Variants in MATR3 observed in about 807,000 individuals in gnomAD.
MATR3 encodes the protein matrin 3.
MATR3 carries 4 observed loss-of-function variants against 85.5 expected under a neutral mutation model. The observed-to-expected ratio is 0.05, with a 90% CI of 0.02 to 0.11. MATR3 has a LOEUF of 0.11. Ranked by LOEUF, MATR3 falls within the 10% of genes least tolerant of loss-of-function variation. The pLI, the probability that MATR3 is intolerant of heterozygous loss-of-function variation, is 1.00. For synonymous variants in MATR3, 336 were observed against 343.1 expected, an observed-to-expected ratio of 0.98 and a Z score of 0.23; for missense variants, 685 against 1,016.1, an observed-to-expected ratio of 0.67 and a Z score of 4.43.
At chr5:139,302,412 TTAAA>T (rs1754495389) in intron 1 of MATR3, among the ~76,000 whole-genome samples, 1 of 152,166 alleles carries the variant, frequency 6.6e-6, no homozygotes, top group African/African-American at 2.4e-5. Context: ...AAAAAAACCC[TTAAA>T]TGAAATAATT....
At chr5:139,318,194 C>T (rs778687042) in intron 7 of MATR3, among the ~76,000 whole-genome samples, 6 of 150,684 alleles carry the variant, frequency 4.0e-5, no homozygotes, top group Non-Finnish European at 8.9e-5. Flanking sequence ...AGTGCAGTGG[C>T]GCGATCTCAG....
intron 7 of MATR3, 66 bp from the exon 8 acceptor site, chr5:139,318,842 A>G: frequency 1.3e-6 from 2 of 1,505,764 alleles, no homozygotes; most frequent in Non-Finnish European, 9.2e-7. Context: ...AGGAAAAAAA[A>G]TCTTTAGTTC....
chr5:139,312,265 G>T (rs1426371242), intron 2 of MATR3: 2 of 151,858 alleles, frequency 1.3e-5, no homozygotes, highest in Non-Finnish European at 2.9e-5. Flanking sequence ...ACCACATCTG[G>T]CGTTTTTTTC....
chr5:139,290,438 C>CTTTTTTTTTTTTTTT (rs762364450), upstream of MATR3, among the ~76,000 whole-genome samples: 121 of 44,976 alleles, frequency 2.7e-3, 35 homozygotes, highest in Middle Eastern at 0.062. Flanking sequence ...CCTGGCCGCT[C>CTTTTTTTTTTTTTTT]TTTTTTTTTT....
intron 14 of MATR3, among the ~76,000 whole-genome samples, chr5:139,326,993 G>C (rs914988279): frequency 6.6e-6 from 1 of 151,982 alleles, no homozygotes; most frequent in Non-Finnish European, 1.5e-5. Context: ...TTATTTTTAT[G>C]ACCAAAAGTA....
intron 6 of MATR3, 103 bp downstream of exon 6, chr5:139,317,208 C>A (rs757922406): frequency 1.1e-4 from 125 of 1,115,360 alleles, no homozygotes; most frequent in Non-Finnish European, 1.4e-4. Flanking sequence ...CTTATGGGAA[C>A]ATTGCTGTAA....
chr5:139,329,373 G>A lies in MATR3; in HGVS notation c.2522G>A (p.Arg841His), dbSNP rs1287853622. 3.7e-6 allele frequency: 6 copies of A among 1,611,736 alleles called. No individual in the cohort carries two copies. In the East Asian group the frequency reaches 6.7e-5, roughly 18 times the overall value. The part of the protein sequence containing the change: ...KKFLNKLAEE[R>H]RQKKET Reference sequence around the variant, plus strand: ...TTTCTGAATAAATTGGCAGAAGAACGCAGACAGAAGAAGGAAACTTAAGAT... The same window carrying A: ...TTTCTGAATAAATTGGCAGAAGAACACAGACAGAAGAAGGAAACTTAAGAT... The change falls in exon 15 of 15, where the codon CGC (arginine) becomes CAC (histidine). Residue 841 changes from arginine to histidine, a missense_variant. Physicochemically the swap from Arg to His is conservative, Grantham distance 29. This residue lies in a region of MATR3 where 45 missense variants were observed against 82.5 expected (regional missense o/e 0.55). Transcript: ENST00000394805.
Position 139,319,326 on chromosome 5 carries a change from T to C in MATR3, c.1435-8T>C, listed in dbSNP as rs1055412692. On this transcript the variant is annotated splice_region_variant and splice_polypyrimidine_tract_variant and intron_variant, in intron 8 of 14. Coordinates refer to ENST00000394805, the MANE Select transcript of MATR3 (RefSeq NM_018834.6). Reference sequence around the variant, plus strand: ...CATTTGTCCTTTTGTTGTTGTTATTTATTAAAGAAACCTGAAGGAAAGCCA... The same window carrying C: ...CATTTGTCCTTTTGTTGTTGTTATTCATTAAAGAAACCTGAAGGAAAGCCA... 3.2e-6 allele frequency: 5 copies of C among 1,578,276 alleles called. No homozygotes were observed. The highest frequency in any genetic ancestry group is 3.4e-5 in the Admixed American group (2 of 59,322).
At chr5:139,285,285 G>A (rs758082657) in intron 3 of MATR3, 2 of 152,180 alleles carry the variant, frequency 1.3e-5, no homozygotes, top group Non-Finnish European at 2.9e-5. Flanking sequence ...TACTCTTGCT[G>A]TAGTGTGCAG....
At chr5:139,324,331 T>TTGCCCAGG (rs1755735002) in intron 12 of MATR3, among the ~76,000 whole-genome samples, 3 of 147,812 alleles carry the variant, frequency 2.0e-5, no homozygotes, top group Admixed American at 7.0e-5. Context: ...TCTTGCTCTG[T>TTGCCCAGG]TGCCCAGGCT....
intron 2 of MATR3, among the ~76,000 whole-genome samples, chr5:139,276,561 C>T (rs1315713978): frequency 6.6e-6 from 1 of 152,166 alleles, no homozygotes; most frequent in Non-Finnish European, 1.5e-5. Flanking sequence ...TGACTTTTTG[C>T]AGAGAATAAG....
upstream of MATR3, among the ~76,000 whole-genome samples, chr5:139,292,429 C>T (rs924153307): frequency 3.9e-5 from 6 of 152,192 alleles, no homozygotes; most frequent in Non-Finnish European, 7.4e-5. Context: ...ATTCCCAACT[C>T]TCCAGATGCG....
At chr5:139,294,852 C>T (rs1231495627) in intron 1 of MATR3, 1 of 152,216 alleles carries the variant, frequency 6.6e-6, no homozygotes, top group African/African-American at 2.4e-5. Flanking sequence ...GGTGTTTATC[C>T]TGCTCTGTGG....
intron 9 of MATR3, among the ~76,000 whole-genome samples, chr5:139,320,704 T>C (rs907386793): frequency 3.9e-5 from 6 of 151,978 alleles, no homozygotes; most frequent in African/African-American, 1.4e-4. Context: ...TTCCAGACTT[T>C]TATTTTTCTT....
At chr5:139,291,314 A>C (rs966356731), upstream of MATR3, among the ~76,000 whole-genome samples, 1 of 152,160 alleles carries the variant, frequency 6.6e-6, no homozygotes, top group African/African-American at 2.4e-5. Flanking sequence ...CGTCTCAAAT[A>C]CATATTTATT....
chr5:139,295,917 A>G (rs1443929320), intron 1 of MATR3, among the ~76,000 whole-genome samples: 1 of 152,036 alleles, frequency 6.6e-6, no homozygotes, highest in Non-Finnish European at 1.5e-5. Context: ...TCGACCTCCC[A>G]GGCTTAAGTA....
chr5:139,330,717 C>A lies in MATR3; in HGVS notation c.*1322C>A. On this transcript the variant is annotated 3_prime_UTR_variant, in exon 15 of 15. Transcript: ENST00000394805. ...CTTAACAGTACAATTGGAAGTAATA[C>A]GGATGAGCAAGAATTAGTTCTGCAG... 2.2e-6 allele frequency: 1 copy of A among 454,060 alleles called. No individual in the cohort carries two copies. Among genetic ancestry groups the A allele is most frequent in the Non-Finnish European group, 4.4e-6 (1 of 226,768 alleles). 28.1% of individuals were successfully genotyped at this position (454,060 alleles called of 1,614,324 possible). A position where few individuals can be genotyped will look rare whatever the true frequency, so the allele number is the denominator to read the frequency against.
chr5:139,319,795 G>A (rs1755447131), intron 9 of MATR3, among the ~76,000 whole-genome samples: 1 of 143,680 alleles, frequency 7.0e-6, no homozygotes, highest in Non-Finnish European at 1.5e-5. Context: ...AGTGAGCTGA[G>A]ATTGCACCAC....
intron 5 of MATR3, among the ~76,000 whole-genome samples, chr5:139,316,569 A>T (rs934232632): frequency 1.3e-5 from 2 of 151,520 alleles, no homozygotes; most frequent in Non-Finnish European, 2.9e-5. Context: ...TTTATTTTAG[A>T]CAGATTCTCA....
Sources: gnomAD v4.1 joint callset for allele counts (sites outside exome capture counted in the v4.1 genomes callset) on GRCh38, gnomAD v4.1.1 for gene constraint, gnomAD v4.1.1 regional missense constraint, MANE v1.5 for transcripts, NCBI Gene and HGNC (gene_info 2026-07-23, HGNC 2026-07-21) for gene names.